Variants in BABAM2 observed in about 807,000 individuals in gnomAD.
BABAM2 encodes the protein BRISC and BRCA1 A complex member 2.
In BABAM2, 31 loss-of-function variants were observed where a neutral mutation model predicts 54.7. That is an observed-to-expected ratio of 0.57 (90% CI 0.43 to 0.77). The LOEUF (loss-of-function observed/expected upper bound fraction) is 0.77, where lower values mean the gene tolerates loss of function less well. Among genes scored for constraint, BABAM2 ranks in the 30% least tolerant of loss-of-function variants. The pLI, the probability that BABAM2 is intolerant of heterozygous loss-of-function variation, is 0.00. For missense variants in BABAM2, 364 were observed against 455.8 expected, an observed-to-expected ratio of 0.80 and a Z score of 1.83; for synonymous variants, 167 against 162.9, an observed-to-expected ratio of 1.03 and a Z score of -0.19.
intron 7 of BABAM2, among the ~76,000 whole-genome samples, chr2:28,147,475 A>T (rs1436681850): frequency 6.6e-6 from 1 of 151,552 alleles, no homozygotes; most frequent in Non-Finnish European, 1.5e-5. Context: ...CTTTAGGAAA[A>T]TCTTTTTTTT....
At chr2:28,263,165 G>A (rs1218970910) in intron 10 of BABAM2, among the ~76,000 whole-genome samples, 1 of 150,328 alleles carries the variant, frequency 6.7e-6, no homozygotes, top group Non-Finnish European at 1.5e-5. Context: ...AGAAAGGAAG[G>A]AGAGGAGGAG....
chr2:28,297,442 T>A (rs1446413738), intron 10 of BABAM2, among the ~76,000 whole-genome samples: 5 of 152,232 alleles, frequency 3.3e-5, no homozygotes, highest in Non-Finnish European at 4.4e-5. Flanking sequence ...ACATATACGT[T>A]ATATACCTTT....
At chr2:28,112,363 C>A (rs111882076) in intron 6 of BABAM2, among the ~76,000 whole-genome samples, 68,749 of 150,590 alleles carry the variant, frequency 0.46, 16,287 homozygotes, top group Middle Eastern at 0.52. Context: ...CCCTAGCCCC[C>A]TACCCCCTGA....
chr2:27,894,741 T>C, intron 2 of BABAM2, 57 bp downstream of exon 2: 1 of 1,596,940 alleles, frequency 6.3e-7, no homozygotes, highest in Non-Finnish European at 8.6e-7. Context: ...CTTTACCTAA[T>C]GACAGCCCTT....
chr2:28,026,959 A>AAT (rs374899033), intron 5 of BABAM2, among the ~76,000 whole-genome samples: 2,623 of 8,868 alleles, frequency 0.3, 312 homozygotes, highest in Non-Finnish European at 0.41. Flanking sequence ...AATATATATA[A>AAT]ATATATATAT....
In BABAM2 at chr2:28,219,517, C is replaced by G. The variant is rs561749116; in HGVS notation, c.681-17685C>G. Among the ~76,000 whole-genome samples, 25 of 152,244 alleles carry G rather than the reference C, an allele frequency of 1.6e-4. No homozygotes were observed. The South Asian group carries it at 5.2e-3, about 32-fold the overall frequency. ...ACCTTTATTACATCTCACCAAAGTCCCTTTAGCCATGTAGGGTAAAAAATT... is the reference window on the plus strand; with the variant it reads ...ACCTTTATTACATCTCACCAAAGTCGCTTTAGCCATGTAGGGTAAAAAATT... On this transcript the variant is annotated intron_variant, in intron 7 of 11. Coordinates refer to ENST00000379624, the MANE Select transcript of BABAM2 (RefSeq NM_199191.3).
intron 11 of BABAM2, among the ~76,000 whole-genome samples, chr2:28,303,530 C>A (rs950365981): frequency 2.0e-5 from 3 of 152,122 alleles, no homozygotes; most frequent in Admixed American, 1.3e-4. Context: ...CTATTCTGTT[C>A]CATTGATAGG....
At chr2:28,177,847 T>C (rs1281851222) in intron 7 of BABAM2, among the ~76,000 whole-genome samples, 1 of 152,002 alleles carries the variant, frequency 6.6e-6, no homozygotes, top group Non-Finnish European at 1.5e-5. Context: ...GAAGTACTTA[T>C]CTTAATATCA....
intron 7 of BABAM2, among the ~76,000 whole-genome samples, chr2:28,180,639 TC>T (rs2147880685): frequency 6.6e-6 from 1 of 152,234 alleles, no homozygotes; most frequent in South Asian, 2.1e-4. Context: ...TAAAAAAGCT[TC>T]TGCACAACAA....
chr2:28,116,201 G>A (rs892351249), intron 6 of BABAM2, among the ~76,000 whole-genome samples: 10 of 152,108 alleles, frequency 6.6e-5, no homozygotes, highest in Admixed American at 6.5e-4. Context: ...TTGAGGCTGG[G>A]AGAAATATAT....
intron 10 of BABAM2, among the ~76,000 whole-genome samples, chr2:28,277,500 A>G (rs1365205801): frequency 6.6e-6 from 1 of 152,196 alleles, no homozygotes; most frequent in Non-Finnish European, 1.5e-5. Context: ...TTTGTTTATT[A>G]TATTTGCCAA....
At chr2:27,971,979 T>A (rs1031210964) in intron 3 of BABAM2, among the ~76,000 whole-genome samples, 3 of 152,196 alleles carry the variant, frequency 2.0e-5, no homozygotes, top group Admixed American at 6.5e-5. Context: ...TTTATAGCAT[T>A]TGGCTTAAAA....
chr2:28,291,840 G>T (rs1687309461), intron 10 of BABAM2, among the ~76,000 whole-genome samples: 1 of 152,210 alleles, frequency 6.6e-6, no homozygotes, highest in African/African-American at 2.4e-5. Context: ...CCAGTGGTTG[G>T]AATCCACATG....
chr2:28,086,640 C>G (rs1365679094), intron 6 of BABAM2, among the ~76,000 whole-genome samples: 1 of 152,130 alleles, frequency 6.6e-6, no homozygotes, highest in African/African-American at 2.4e-5. Context: ...TTTTTCTAGT[C>G]TTATGATTCT....
intron 2 of BABAM2, 97 bp downstream of exon 2, chr2:27,894,781 A>G (rs1410241615): frequency 8.5e-6 from 12 of 1,404,160 alleles, no homozygotes; most frequent in Middle Eastern, 2.0e-4. Flanking sequence ...ATTGACTGCC[A>G]CAGAAACCCA....
intron 7 of BABAM2, among the ~76,000 whole-genome samples, chr2:28,200,444 A>G (rs187623780): frequency 2.7e-4 from 41 of 152,374 alleles, no homozygotes; most frequent in African/African-American, 9.6e-4. Flanking sequence ...AAAGCAGTAT[A>G]TCATTTCAGA....
chr2:27,962,388 A>G (rs972307667), intron 3 of BABAM2, among the ~76,000 whole-genome samples: 7 of 152,172 alleles, frequency 4.6e-5, no homozygotes, highest in Non-Finnish European at 1.0e-4. Flanking sequence ...GGTGTGAGCC[A>G]CTGTGCCTGG....
chr2:28,115,667 A>T (rs1258592822), intron 6 of BABAM2, among the ~76,000 whole-genome samples: 3 of 151,922 alleles, frequency 2.0e-5, no homozygotes, highest in Non-Finnish European at 4.4e-5. Flanking sequence ...TAAATAAAAA[A>T]AAGAGTAGGT....
intron 10 of BABAM2, among the ~76,000 whole-genome samples, chr2:28,266,065 A>ACCT (rs1684960119): frequency 6.6e-6 from 1 of 151,528 alleles, no homozygotes; most frequent in African/African-American, 2.4e-5. Context: ...GCCCACTGCA[A>ACCT]CCTCCACCTC....
Sources: allele counts gnomAD v4.1 joint callset (sites outside exome capture counted in the v4.1 genomes callset), GRCh38; gene constraint gnomAD v4.1.1; transcripts MANE v1.5; gene names NCBI Gene and HGNC (gene_info 2026-07-23, HGNC 2026-07-21).